Variants in DGKB observed in about 807,000 individuals in gnomAD.
The protein encoded by DGKB is 90 kDa diacylglycerol kinase.
In DGKB, 67 loss-of-function variants were observed where a neutral mutation model predicts 114.3. The ratio of observed to expected loss-of-function variants is 0.59; its 90% CI spans 0.48 to 0.72. The LOEUF (loss-of-function observed/expected upper bound fraction) is 0.72. Among genes scored for constraint, DGKB ranks in the 30% least tolerant of loss-of-function variants. DGKB has a pLI of 0.00. For synonymous variants in DGKB, 398 were observed against 323.1 expected (o/e 1.23, Z -2.49); for missense variants, 907 against 975.2 (o/e 0.93, Z 0.93).
chr7:14,864,510 G>A (rs149196247), intron 1 of DGKB, among the ~76,000 whole-genome samples: 7 of 152,208 alleles, frequency 4.6e-5, no homozygotes, highest in African/African-American at 1.7e-4. Flanking sequence ...TATACAGTCT[G>A]ATTGGAAATA....
intron 14 of DGKB, among the ~76,000 whole-genome samples, chr7:14,624,957 C>A (rs886493221): frequency 6.6e-6 from 1 of 151,922 alleles, no homozygotes; most frequent in Admixed American, 6.6e-5. Flanking sequence ...AAGATTGTAC[C>A]ACTGAACTCC....
At chr7:14,463,638 G>T (rs998735333) in intron 21 of DGKB, among the ~76,000 whole-genome samples, 9 of 152,126 alleles carry the variant, frequency 5.9e-5, no homozygotes, top group African/African-American at 1.7e-4. Context: ...CTGAGCAAAA[G>T]AAGTCTTTTC....
intron 17 of DGKB, among the ~76,000 whole-genome samples, chr7:14,604,439 G>A (rs1804105916): frequency 6.6e-6 from 1 of 152,088 alleles, no homozygotes; most frequent in Non-Finnish European, 1.5e-5. Flanking sequence ...TCAATCTGGT[G>A]TGGTAAAGAG....
intron 25 of DGKB, among the ~76,000 whole-genome samples, chr7:14,150,255 G>A (rs1032812625): frequency 8.5e-5 from 13 of 152,130 alleles, no homozygotes; most frequent in African/African-American, 3.1e-4. Flanking sequence ...CACAGCATTC[G>A]CATCAGAGAT....
chr7:14,230,419 G>A (rs1791532643), intron 23 of DGKB, among the ~76,000 whole-genome samples: 1 of 151,834 alleles, frequency 6.6e-6, no homozygotes, highest in Non-Finnish European at 1.5e-5. Context: ...CTGAAAAATG[G>A]TGTATGTTTT....
intron 1 of DGKB, among the ~76,000 whole-genome samples, chr7:14,955,949 A>C (rs1024969469): frequency 2.0e-5 from 3 of 152,004 alleles, no homozygotes; most frequent in Non-Finnish European, 4.4e-5. Context: ...GACATTGAAG[A>C]GGTAGGCATG....
chr7:14,544,285 G>A (rs1316094312), intron 20 of DGKB, among the ~76,000 whole-genome samples: 3 of 152,122 alleles, frequency 2.0e-5, no homozygotes, highest in Non-Finnish European at 2.9e-5. Context: ...AACTGACTAA[G>A]CCATCTAATA....
chr7:14,945,805 T>A (rs559204704), intron 1 of DGKB, among the ~76,000 whole-genome samples: 2 of 151,900 alleles, frequency 1.3e-5, no homozygotes, highest in East Asian at 1.9e-4. Context: ...TGTTATTATT[T>A]AGAATTAGTA....
At chr7:14,154,803 A>G (rs1343594100) in intron 25 of DGKB, among the ~76,000 whole-genome samples, 1 of 151,982 alleles carries the variant, frequency 6.6e-6, no homozygotes, top group Non-Finnish European at 1.5e-5. Flanking sequence ...ACACAGAAAA[A>G]AGGACACAGG....
At chr7:14,682,923 A>G (rs1390699076) in intron 10 of DGKB, 82 bp from the exon 11 acceptor site, 5 of 927,912 alleles carry the variant, frequency 5.4e-6, no homozygotes, top group Admixed American at 2.1e-5. Flanking sequence ...CATTAACAGA[A>G]CCTCATTTCA....
chr7:14,944,423 C>T (rs1785747227), intron 1 of DGKB, among the ~76,000 whole-genome samples: 1 of 151,822 alleles, frequency 6.6e-6, no homozygotes, highest in African/African-American at 2.4e-5. Flanking sequence ...AGTAACTAAA[C>T]ATTGTTCTTT....
At chr7:14,813,752 G>A (rs1281358126) in intron 2 of DGKB, among the ~76,000 whole-genome samples, 1 of 151,796 alleles carries the variant, frequency 6.6e-6, no homozygotes, top group African/African-American at 2.4e-5. Flanking sequence ...TTCTTTCATT[G>A]AATCTTTTAC....
chr7:14,940,542 T>A (rs73287072), intron 1 of DGKB, among the ~76,000 whole-genome samples: 2 of 152,022 alleles, frequency 1.3e-5, no homozygotes, highest in African/African-American at 4.8e-5. Context: ...AATAACCATA[T>A]CCAGCTTGAG....
At position 14,147,979 on chromosome 7, in the gene DGKB, T is replaced by TC. The variant is rs1452102919; in HGVS notation, c.*1151dup. ...GAGCTAATTGCATGCATGATTCGCT[T>TC]CCAAGAGCTCAGTATTATTACAGGT... On this transcript the variant is annotated 3_prime_UTR_variant, in exon 26 of 26. Coordinates refer to ENST00000402815, the MANE Select transcript of DGKB (RefSeq NM_001350709.2). 6.6e-6 allele frequency: 1 copy of TC among 152,084 alleles called. No homozygotes were observed. The highest frequency in any genetic ancestry group is 2.4e-5 in the African/African-American group (1 of 41,430). The allele number at this position is 152,084 out of a possible 1,614,324, so 9.4% of individuals were successfully genotyped here. A position where few individuals can be genotyped will look rare whatever the true frequency, so the allele number is the denominator to read the frequency against.
At chr7:14,302,748 C>A (rs1287286171) in intron 23 of DGKB, among the ~76,000 whole-genome samples, 1 of 152,106 alleles carries the variant, frequency 6.6e-6, no homozygotes, top group Non-Finnish European at 1.5e-5. Context: ...GAAAACCCAA[C>A]AAATGCTCCA....
chr7:14,569,038 G>T (rs1289295470), intron 20 of DGKB, among the ~76,000 whole-genome samples: 1 of 152,064 alleles, frequency 6.6e-6, no homozygotes, highest in African/African-American at 2.4e-5. Flanking sequence ...TATATATTCA[G>T]GAATGATTTG....
At chr7:14,210,140 A>T (rs1181023787) in intron 23 of DGKB, among the ~76,000 whole-genome samples, 4 of 152,206 alleles carry the variant, frequency 2.6e-5, no homozygotes, top group African/African-American at 9.6e-5. Context: ...ATACAGCTTG[A>T]GTAATCTTGA....
At chr7:14,637,052 A>C (rs1334473568) in intron 13 of DGKB, among the ~76,000 whole-genome samples, 1 of 151,950 alleles carries the variant, frequency 6.6e-6, no homozygotes, top group Non-Finnish European at 1.5e-5. Flanking sequence ...CATAGCGCAC[A>C]AGAAGCTGCG....
chr7:14,602,084 C>T (rs66473448), intron 17 of DGKB, among the ~76,000 whole-genome samples: 1 of 151,892 alleles, frequency 6.6e-6, no homozygotes, highest in Non-Finnish European at 1.5e-5. Flanking sequence ...TCCTTAGTAC[C>T]AATTCTGTCT....
Sources: gnomAD v4.1 joint callset for allele counts (sites outside exome capture counted in the v4.1 genomes callset) on GRCh38, gnomAD v4.1.1 for gene constraint, MANE v1.5 for transcripts, NCBI Gene and HGNC (gene_info 2026-07-23, HGNC 2026-07-21) for gene names.